Variants in ZNF335 observed in about 807,000 individuals in gnomAD.
ZNF335 encodes the protein zinc finger protein 335.
In ZNF335, 84 loss-of-function variants were observed where a neutral mutation model predicts 145.6. The observed-to-expected ratio is 0.58, with a 90% CI of 0.48 to 0.69. ZNF335 has a LOEUF of 0.69. Among genes scored for constraint, ZNF335 ranks in the 30% least tolerant of loss-of-function variants. ZNF335 has a pLI of 0.00. For missense variants in ZNF335, 1,865 were observed against 1,809.7 expected, an observed-to-expected ratio of 1.03 and a Z score of -0.55; for synonymous variants, 761 against 717.0, an observed-to-expected ratio of 1.06 and a Z score of -0.98.
At chr20:45,952,557 G>C (rs1568807773) in intron 19 of ZNF335, 36 bp from the exon 20 acceptor site, 4 of 1,610,600 alleles carry the variant, frequency 2.5e-6, no homozygotes, top group Non-Finnish European at 3.4e-6. Context: ...TACTGAGAAG[G>C]GGAGGGAGGT....
At position 45,968,106 on chromosome 20, in the gene ZNF335, C is replaced by T. The variant is rs550259006; in HGVS notation, c.521-79G>A. 1.6e-3 allele frequency: 2,561 copies of T among 1,578,954 alleles called. 4 individuals are homozygous for T. Among genetic ancestry groups the T allele is most frequent in the Non-Finnish European group, 2.0e-3 (2,299 of 1,155,810 alleles). On this transcript the variant is annotated intron_variant, in intron 4 of 27. Transcript: ENST00000322927. ...ATGAGCTATAGCTACCCCTCCCAGG[C>T]AGGCCCAGGGAGTGCAGAACCAAAT...
chr20:45,972,017 C>T lies in ZNF335; in HGVS notation c.-51+105G>A, dbSNP rs2084082528. On this transcript the variant is annotated intron_variant, in intron 1 of 27. Coordinates refer to ENST00000322927, the MANE Select transcript of ZNF335 (RefSeq NM_022095.4). ...GGGCCTGGGACCCCGGGGCCCTGTT[C>T]GGACAGCCCCGCCGGCCTGGGACCT... The T allele has an allele frequency of 3.3e-6, 4 of 1,224,312 alleles. No homozygotes were observed. The South Asian group carries it at 5.5e-5, about 17-fold the overall frequency. 75.8% of individuals were successfully genotyped at this position (1,224,312 alleles called of 1,614,324 possible). A position where few individuals can be genotyped will look rare whatever the true frequency, so the allele number is the denominator to read the frequency against.
Position 45,963,763 on chromosome 20 carries a change from G to C in ZNF335, c.1330C>G (p.Arg444Gly), listed in dbSNP as rs151210181. The part of the protein sequence containing the change: ...LPRRRGRPSR[R>G]FLGKKYRKYY... ...TTGCGGTATTTCTTGCCTAGGAAGC[G>C]CCTGGAAGGTCGACCTCGGCGCCGG... Residue 444 changes from arginine (R) to glycine (G), a missense_variant, in exon 8 of 28, where the codon CGC becomes GGC. Coordinates refer to ENST00000322927, the MANE Select transcript of ZNF335 (RefSeq NM_022095.4). The C allele has an allele frequency of 9.9e-6, 16 of 1,614,156 alleles. No homozygotes were observed. The highest frequency in any genetic ancestry group is 8.3e-5 in the Admixed American group (5 of 60,024).
Position 45,963,807 on chromosome 20 carries a change from T to A in ZNF335, c.1286A>T (p.Asp429Val). 6.2e-7 allele frequency: 1 copy of A among 1,614,126 alleles called. No individual in the cohort carries two copies. The highest frequency in any genetic ancestry group is 8.5e-7 in the Non-Finnish European group (1 of 1,180,004). ...DAENAAPSCPDEHDTLPRRRG... is the reference protein window; with the variant it reads ...DAENAAPSCPVEHDTLPRRRG... ...GCGCCGGGGCAGAGTGTCATGCTCATCCGGGCAGGAGGGGGCTGCGTTCTC... is the reference window on the plus strand; with the variant it reads ...GCGCCGGGGCAGAGTGTCATGCTCAACCGGGCAGGAGGGGGCTGCGTTCTC... The change falls in exon 8 of 28, where the codon GAT becomes GTT. Residue 429 changes from aspartate (D) to valine (V), a missense_variant. Transcript: ENST00000322927.
rs2083760866 is a variant in ZNF335 at position 45,958,018 on chromosome 20, A to C, written c.2254-90T>G. The C allele has an allele frequency of 2.9e-6, 3 of 1,032,548 alleles. No homozygotes were observed. In the Admixed American group the frequency reaches 5.8e-5, roughly 20 times the overall value. The allele number at this position is 1,032,548 out of a possible 1,614,324, so 64.0% of individuals were successfully genotyped here. A position where few individuals can be genotyped will look rare whatever the true frequency, so the allele number is the denominator to read the frequency against. On this transcript the variant is annotated intron_variant, in intron 15 of 27. Transcript: ENST00000322927. ...GCACCTCTGATCTGCCAGATGTTTTACATCTGTTGGCTTGTTTCATCTTCA... is the reference window on the plus strand; with the variant it reads ...GCACCTCTGATCTGCCAGATGTTTTCCATCTGTTGGCTTGTTTCATCTTCA...
chr20:45,967,786 G>A lies in ZNF335; in HGVS notation c.762C>T (p.Ser254=), dbSNP rs757845962. 1.2e-6 allele frequency: 2 copies of A among 1,613,588 alleles called. No individual in the cohort carries two copies. The highest frequency in any genetic ancestry group is 2.2e-5 in the South Asian group (2 of 91,086). ...QFKCKMCQYR[S]STKATLLRHM... ...GGCGCAGCAGTGTGGCCTTGGTGCTGCTCCGGTACTGGCACATCTTGCATT... is the reference window on the plus strand; with the variant it reads ...GGCGCAGCAGTGTGGCCTTGGTGCTACTCCGGTACTGGCACATCTTGCATT... The change falls in exon 5 of 28, where the codon AGC becomes AGT. Residue 254 remains serine, a synonymous_variant. Transcript: ENST00000322927.
At chr20:45,952,810 G>C in intron 18 of ZNF335, 101 bp from the exon 19 acceptor site, 2 of 1,061,704 alleles carry the variant, frequency 1.9e-6, no homozygotes, top group Non-Finnish European at 1.4e-6. Flanking sequence ...ACCACAGATG[G>C]ACTCAAGTCA....
At chr20:45,971,578 C>T (rs2084068850) in intron 1 of ZNF335, 118 bp from the exon 2 acceptor site, 2 of 1,445,936 alleles carry the variant, frequency 1.4e-6, no homozygotes, top group Admixed American at 2.6e-5. Flanking sequence ...GAGTCTCCGA[C>T]GGGGCGGAGC....
At chr20:45,961,341 T>C (rs895519611) in intron 10 of ZNF335, among the ~76,000 whole-genome samples, 4 of 152,146 alleles carry the variant, frequency 2.6e-5, no homozygotes, top group African/African-American at 9.7e-5. Flanking sequence ...CAGTGAGCTG[T>C]AATTGTGCCA....
At chr20:45,962,720 T>C (rs1028570585) in intron 9 of ZNF335, among the ~76,000 whole-genome samples, 2 of 152,080 alleles carry the variant, frequency 1.3e-5, no homozygotes, top group Admixed American at 1.3e-4. Flanking sequence ...GCAATAAGGA[T>C]TTAATTATCC....
At chr20:45,963,352 GAGC>G in intron 9 of ZNF335, 118 bp downstream of exon 9, 1 of 1,159,476 alleles carries the variant, frequency 8.6e-7, no homozygotes, top group South Asian at 1.5e-5. Flanking sequence ...GCGTTCTGAA[GAGC>G]AGCAGGAGAG....
At chr20:45,956,735 G>A (rs982834896) in intron 17 of ZNF335, among the ~76,000 whole-genome samples, 6 of 151,784 alleles carry the variant, frequency 4.0e-5, no homozygotes, top group Middle Eastern at 3.2e-3. Flanking sequence ...AAAAAAAATC[G>A]ATCCCTACCT....
Position 45,949,183 on chromosome 20 carries a change from G to C in ZNF335, c.3888C>G (p.His1296Gln). 4 of 1,613,770 alleles carry C rather than the reference G, an allele frequency of 2.5e-6. No individual in the cohort carries two copies. The highest frequency in any genetic ancestry group is 3.4e-6 in the Non-Finnish European group (4 of 1,179,960). Residue 1296 changes from histidine to glutamine, a missense_variant, in exon 27 of 28, where the codon CAC becomes CAG. Coordinates refer to ENST00000322927, the MANE Select transcript of ZNF335 (RefSeq NM_022095.4). ...CCAGCTCCATACCTGTGACAGCTGA[G>C]TGTGCTGCAGCCTCAAGTTGAGCCT... The part of the protein sequence containing the change: ...VTQAQLEAAA[H>Q]SAVTAVADAA...
At chr20:45,951,046 C>G (rs991310733) in intron 20 of ZNF335, among the ~76,000 whole-genome samples, 3 of 152,238 alleles carry the variant, frequency 2.0e-5, no homozygotes, top group Admixed American at 2.0e-4. Context: ...GCATGCGCCA[C>G]CACACCTGGC....
Position 45,960,688 on chromosome 20 carries a change from C to A in ZNF335, c.1710G>T (p.Val570=). The A allele has an allele frequency of 6.2e-7, 1 of 1,614,094 alleles. No individual in the cohort carries two copies. The highest frequency in any genetic ancestry group is 1.1e-5 in the South Asian group (1 of 91,076). Residue 570 remains valine, a synonymous_variant, in exon 12 of 28, where the codon GTG becomes GTT. Transcript: ENST00000322927. Reference sequence around the variant, plus strand: ...GCGTGAGTCTTTTCTGCATGGGGTACACACGGCCACACACAGGGCAGGGGA... The same window carrying A: ...GCGTGAGTCTTTTCTGCATGGGGTAAACACGGCCACACACAGGGCAGGGGA... ...SSFPCPVCGR[V]YPMQKRLTQH...
chr20:45,970,323 G>GTGAT (rs2084036141), intron 2 of ZNF335: 1 of 152,602 alleles, frequency 6.6e-6, no homozygotes, highest in South Asian at 2.1e-4. Flanking sequence ...GGACCCCAAA[G>GTGAT]TGATGACCAC....
chr20:45,949,920 A>G (rs759352928), intron 23 of ZNF335, 43 bp from the exon 24 acceptor site: 2 of 1,612,632 alleles, frequency 1.2e-6, no homozygotes, highest in African/African-American at 1.3e-5. Context: ...CTCTACCCCA[A>G]CCCCTGCCTG....
intron 7 of ZNF335, 116 bp downstream of exon 7, chr20:45,965,512 G>A: frequency 7.6e-7 from 1 of 1,313,898 alleles, no homozygotes; most frequent in Non-Finnish European, 1.0e-6. Flanking sequence ...AGGTGACCCG[G>A]TTTGAGACAG....
intron 18 of ZNF335, among the ~76,000 whole-genome samples, chr20:45,953,161 C>T (rs1307216945): frequency 2.0e-5 from 3 of 152,226 alleles, no homozygotes; most frequent in Admixed American, 2.0e-4. Flanking sequence ...CAATTTGGCA[C>T]TTGGATTCAG....
Sources: allele counts gnomAD v4.1 joint callset (sites outside exome capture counted in the v4.1 genomes callset), GRCh38; gene constraint gnomAD v4.1.1; transcripts MANE v1.5; gene names NCBI Gene and HGNC (gene_info 2026-07-23, HGNC 2026-07-21).